ATRN: variants seen among roughly 807,000 people sequenced by gnomAD.
ATRN encodes the protein attractin-2.
Under a neutral mutation model 178.7 loss-of-function variants are expected in ATRN, and 54 were observed. The ratio of observed to expected loss-of-function variants is 0.30; its 90% CI spans 0.24 to 0.38. ATRN has a LOEUF of 0.38. ATRN is among the 10% of genes least tolerant of loss of function. The pLI is 1.00. For missense variants in ATRN, 1,443 were observed against 1,815.1 expected (o/e 0.79, Z 3.73); for synonymous variants, 636 against 663.0 (o/e 0.96, Z 0.63).
intron 3 of ATRN, among the ~76,000 whole-genome samples, chr20:3,540,777 T>C (rs1437645470): frequency 1.3e-5 from 2 of 151,358 alleles, no homozygotes. Flanking sequence ...ATTGTGTGCG[T>C]GTGTGTGTGT....
chr20:3,533,579 G>A (rs921953212), intron 1 of ATRN, among the ~76,000 whole-genome samples: 13 of 152,086 alleles, frequency 8.5e-5, no homozygotes, highest in Non-Finnish European at 1.5e-4. Context: ...AGCTTGAGCC[G>A]CTATCTTGGA....
At chr20:3,545,166 A>G (rs193099068) in intron 3 of ATRN, among the ~76,000 whole-genome samples, 101 of 152,170 alleles carry the variant, frequency 6.6e-4, no homozygotes, top group Non-Finnish European at 1.3e-3. Context: ...CAGGAGTTCA[A>G]GACCAGCCTG....
At chr20:3,501,013 C>A (rs1417818494) in intron 1 of ATRN, among the ~76,000 whole-genome samples, 3 of 151,942 alleles carry the variant, frequency 2.0e-5, no homozygotes, top group Non-Finnish European at 4.4e-5. Flanking sequence ...GACTTTGAAA[C>A]ATAGTAATTT....
Position 3,585,725 on chromosome 20 carries a change from C to T in ATRN, c.3184+845C>T, listed in dbSNP as rs543568336. Among the ~76,000 whole-genome samples, 54 of 152,110 alleles carry T rather than the reference C, an allele frequency of 3.6e-4. No individual in the cohort carries two copies. In the South Asian group the frequency reaches 4.8e-3, roughly 13 times the overall value. On this transcript the variant is annotated intron_variant, in intron 18 of 28. Transcript: ENST00000262919. ...TAATAAGAATCCAATGTCCAGAACA[C>T]GTAACTCTTAAAACTCAACAATAGA...
intron 24 of ATRN, among the ~76,000 whole-genome samples, chr20:3,616,390 A>G (rs2146308193): frequency 6.6e-6 from 1 of 152,010 alleles, no homozygotes; most frequent in East Asian, 1.9e-4. Context: ...AGGTGTGCCC[A>G]TGCATTCCTG....
chr20:3,531,555 A>G (rs2085453520), intron 1 of ATRN, among the ~76,000 whole-genome samples: 2 of 152,356 alleles, frequency 1.3e-5, no homozygotes, highest in Admixed American at 6.5e-5. Context: ...ATGCTACATA[A>G]AGAAAAAATA....
chr20:3,501,066 C>T (rs1279817224), intron 1 of ATRN, among the ~76,000 whole-genome samples: 28 of 152,014 alleles, frequency 1.8e-4, no homozygotes, highest in Admixed American at 1.8e-3. Flanking sequence ...GGACAAAGAA[C>T]TGCAAAAATA....
At chr20:3,567,595 A>G (rs1402728581) in intron 11 of ATRN, among the ~76,000 whole-genome samples, 1 of 152,208 alleles carries the variant, frequency 6.6e-6, no homozygotes, top group African/African-American at 2.4e-5. Context: ...CCAGCTACTA[A>G]AAGGCCATAG....
chr20:3,510,910 T>A (rs2085117784), intron 1 of ATRN, among the ~76,000 whole-genome samples: 2 of 152,186 alleles, frequency 1.3e-5, no homozygotes, highest in African/African-American at 2.4e-5. Flanking sequence ...ATTTTAATAC[T>A]CTCTCAGTAG....
intron 10 of ATRN, 128 bp downstream of exon 10, chr20:3,563,491 T>G (rs1202558965): frequency 9.7e-6 from 9 of 931,462 alleles, no homozygotes; most frequent in Non-Finnish European, 1.3e-5. Flanking sequence ...CCAAATGGTA[T>G]TTTTTATATT....
At chr20:3,575,748 C>A (rs568424865) in intron 12 of ATRN, 79 bp from the exon 13 acceptor site, 33 of 1,468,890 alleles carry the variant, frequency 2.2e-5, no homozygotes, top group South Asian at 4.2e-5. Context: ...ACCATTGTTA[C>A]GATTTTTTTT....
chr20:3,607,612 C>T (rs1459917891), intron 24 of ATRN, among the ~76,000 whole-genome samples: 5 of 152,180 alleles, frequency 3.3e-5, no homozygotes. Context: ...TTTTATTTGT[C>T]CATTCATTTG....
chr20:3,560,194 A>G (rs577421831), intron 7 of ATRN, among the ~76,000 whole-genome samples: 3 of 151,948 alleles, frequency 2.0e-5, no homozygotes, highest in African/African-American at 7.2e-5. Flanking sequence ...TCTACTCTCT[A>G]TCTTCATGAG....
intron 14 of ATRN, among the ~76,000 whole-genome samples, chr20:3,578,148 C>T (rs2086236393): frequency 6.6e-6 from 1 of 152,194 alleles, no homozygotes; most frequent in Non-Finnish European, 1.5e-5. Context: ...GATATGAAAA[C>T]AGTGCAGCTT....
At chr20:3,641,044 T>G (rs2087063487) in intron 27 of ATRN, among the ~76,000 whole-genome samples, 1 of 152,194 alleles carries the variant, frequency 6.6e-6, no homozygotes, top group Non-Finnish European at 1.5e-5. Context: ...TTTTAAGAGA[T>G]ACACTTGTGG....
intron 1 of ATRN, among the ~76,000 whole-genome samples, chr20:3,501,587 G>A (rs1011389405): frequency 6.6e-6 from 1 of 152,198 alleles, no homozygotes; most frequent in African/African-American, 2.4e-5. Flanking sequence ...AGAACAACTA[G>A]TAGAGAAGCT....
At chr20:3,646,302 C>T (rs1217081190) in intron 28 of ATRN, among the ~76,000 whole-genome samples, 1 of 152,154 alleles carries the variant, frequency 6.6e-6, no homozygotes, top group Admixed American at 6.5e-5. Flanking sequence ...TTCTCGGCTC[C>T]TTTTGGAGGA....
chr20:3,537,003 G>T (rs1290332831), intron 2 of ATRN, among the ~76,000 whole-genome samples: 3 of 152,110 alleles, frequency 2.0e-5, no homozygotes, highest in African/African-American at 7.2e-5. Flanking sequence ...GCACTGAATG[G>T]ATCTTTTGCC....
chr20:3,591,109 G>A, intron 18 of ATRN, 60 bp from the exon 19 acceptor site: 11 of 1,454,330 alleles, frequency 7.6e-6, no homozygotes, highest in Non-Finnish European at 1.0e-5. Context: ...AAATCTTATT[G>A]AACTTAACTA....
Sources: gnomAD v4.1 joint callset for allele counts (sites outside exome capture counted in the v4.1 genomes callset) on GRCh38, gnomAD v4.1.1 for gene constraint, MANE v1.5 for transcripts, NCBI Gene and HGNC (gene_info 2026-07-23, HGNC 2026-07-21) for gene names.